The following UNC13C variants were observed in gnomAD, a reference collection of about 807,000 sequenced individuals.
The protein encoded by UNC13C is protein unc-13 homolog C.
UNC13C carries 174 observed loss-of-function variants against 245.4 expected under a neutral mutation model. That is an observed-to-expected ratio of 0.71 (90% CI 0.63 to 0.80). UNC13C has a LOEUF of 0.80. UNC13C is among the 30% of genes least tolerant of loss of function. The pLI, the probability that UNC13C is intolerant of heterozygous loss-of-function variation, is 0.00. For synonymous variants in UNC13C, 992 were observed against 895.1 expected, an observed-to-expected ratio of 1.11 and a Z score of -1.93; for missense variants, 2,829 against 2,602.9, an observed-to-expected ratio of 1.09 and a Z score of -1.89.
intron 17 of UNC13C, among the ~76,000 whole-genome samples, chr15:54,362,288 C>T (rs2039251012): frequency 6.6e-6 from 1 of 152,170 alleles, no homozygotes. Context: ...GAATATCCAC[C>T]TCCAACTCCT....
At chr15:54,464,549 A>G (rs896743416) in intron 19 of UNC13C, among the ~76,000 whole-genome samples, 1 of 152,154 alleles carries the variant, frequency 6.6e-6, no homozygotes, top group African/African-American at 2.4e-5. Context: ...AACTCATTGT[A>G]TATGAGTTAA....
rs1458181899 is a variant in UNC13C at position 54,627,535 on chromosome 15, C to CTTTTCTACCATA, written c.*423_*434dup. ...TCATTATAGATGTCTTACAAATACC[C>CTTTTCTACCATA]TTTTCTACCATAACTAGAAATGCAG... On this transcript the variant is annotated 3_prime_UTR_variant, in exon 33 of 33. Coordinates refer to ENST00000260323, the MANE Select transcript of UNC13C (RefSeq NM_001080534.3). The CTTTTCTACCATA allele has an allele frequency of 6.5e-6, 1 of 154,326 alleles. No homozygotes were observed. Among genetic ancestry groups the CTTTTCTACCATA allele is most frequent in the Non-Finnish European group, 1.4e-5 (1 of 69,188 alleles). 9.6% of individuals were successfully genotyped at this position (154,326 alleles called of 1,614,324 possible).
chr15:54,458,599 T>C (rs1891661190), intron 19 of UNC13C, among the ~76,000 whole-genome samples: 1 of 151,912 alleles, frequency 6.6e-6, no homozygotes, highest in Non-Finnish European at 1.5e-5. Flanking sequence ...TATTTAGAAT[T>C]GTGATATTTC....
intron 19 of UNC13C, among the ~76,000 whole-genome samples, chr15:54,464,347 A>G (rs971134084): frequency 3.3e-5 from 5 of 152,182 alleles, no homozygotes; most frequent in Admixed American, 6.5e-5. Context: ...TCTTCCTGGA[A>G]TAGAGAAAAC....
At chr15:53,951,980 G>A in the UNC13C span, among the ~76,000 whole-genome samples, 1 of 152,258 alleles carries the variant, frequency 6.6e-6, no homozygotes, top group Admixed American at 6.5e-5. Context: ...AACGTTGACT[G>A]CAAGGAACAA....
intron 30 of UNC13C, among the ~76,000 whole-genome samples, chr15:54,606,911 A>G (rs1056690729): frequency 3.3e-5 from 5 of 152,198 alleles, no homozygotes; most frequent in African/African-American, 7.2e-5. Context: ...AATTGGAAAT[A>G]TATGTATTTT....
At chr15:54,167,829 C>G (rs1246992692) in intron 4 of UNC13C, among the ~76,000 whole-genome samples, 1 of 151,976 alleles carries the variant, frequency 6.6e-6, no homozygotes, top group African/African-American at 2.4e-5. Context: ...TTTCAACAGT[C>G]ACATCAAAAG....
chr15:54,484,872 A>G (rs900127509), intron 19 of UNC13C, among the ~76,000 whole-genome samples: 1 of 152,218 alleles, frequency 6.6e-6, no homozygotes, highest in Non-Finnish European at 1.5e-5. Context: ...TTCAAGAGGT[A>G]AAATCCACAA....
chr15:54,260,470 A>G (rs557913661), intron 8 of UNC13C, among the ~76,000 whole-genome samples: 2 of 151,734 alleles, frequency 1.3e-5, no homozygotes, highest in South Asian at 4.1e-4. Flanking sequence ...TAGCAAAAGG[A>G]AAGAACTGAG....
At position 54,264,203 on chromosome 15, in the gene UNC13C, G is replaced by A; in HGVS notation, c.3484G>A (p.Asp1162Asn). 6.3e-7 allele frequency: 1 copy of A among 1,589,800 alleles called. No individual in the cohort carries two copies. Among genetic ancestry groups the A allele is most frequent in the Non-Finnish European group, 8.6e-7 (1 of 1,167,376 alleles). The change falls in exon 9 of 33, where the codon GAC becomes AAC. Residue 1162 changes from aspartate (D) to asparagine (N), a missense_variant. Transcript: ENST00000260323. ...AEKSSKHGAE[D>N]KTQTIITAMK... ...AAAGAGTTCTAAACATGGTGCCGAA[G>A]ACAAGACTCAGACCATTATTACAGC...
At chr15:54,542,082 CTG>C (rs923509051) in intron 26 of UNC13C, among the ~76,000 whole-genome samples, 3 of 152,070 alleles carry the variant, frequency 2.0e-5, no homozygotes, top group African/African-American at 7.2e-5. Flanking sequence ...CTTTTCTCAA[CTG>C]TCATGCCAAA....
intron 30 of UNC13C, among the ~76,000 whole-genome samples, chr15:54,616,696 G>A (rs1900457621): frequency 6.6e-6 from 1 of 152,036 alleles, no homozygotes; most frequent in African/African-American, 2.4e-5. Context: ...TTAAAAAATA[G>A]TTTACAAAGT....
intron 4 of UNC13C, among the ~76,000 whole-genome samples, chr15:54,177,747 G>A (rs2033663457): frequency 6.6e-6 from 1 of 151,962 alleles, no homozygotes. Context: ...ATAATATATA[G>A]CTACTACTAC....
intron 19 of UNC13C, among the ~76,000 whole-genome samples, chr15:54,455,205 C>CTCTCTCTATATATATATATATA (rs1388065398): frequency 5.3e-5 from 1 of 18,960 alleles, no homozygotes; most frequent in African/African-American, 1.9e-4. Context: ...CTCTCTCTCT[C>CTCTCTCTATATATATATATATA]TATATATATA....
At chr15:54,496,339 A>G (rs1893947269) in intron 20 of UNC13C, among the ~76,000 whole-genome samples, 1 of 152,116 alleles carries the variant, frequency 6.6e-6, no homozygotes, top group African/African-American at 2.4e-5. Context: ...TAGAATTTAC[A>G]GAATTTGTCA....
chr15:54,302,413 T>C (rs1217436569), intron 13 of UNC13C, among the ~76,000 whole-genome samples: 2 of 152,226 alleles, frequency 1.3e-5, no homozygotes, highest in Non-Finnish European at 2.9e-5. Context: ...CTAGGGTTTT[T>C]ATGCTTTTAG....
At chr15:54,338,966 A>G (rs1355101247) in intron 17 of UNC13C, among the ~76,000 whole-genome samples, 1 of 152,218 alleles carries the variant, frequency 6.6e-6, no homozygotes, top group Non-Finnish European at 1.5e-5. Context: ...TCCGGGGTTC[A>G]AGCGATTCTC....
At chr15:53,902,993 G>A in the UNC13C span, among the ~76,000 whole-genome samples, 2 of 152,184 alleles carry the variant, frequency 1.3e-5, no homozygotes, top group Non-Finnish European at 2.9e-5. Flanking sequence ...TCTGATGAAA[G>A]CAACTTTGGA....
chr15:53,949,600 T>A, the UNC13C span, among the ~76,000 whole-genome samples: 1 of 152,114 alleles, frequency 6.6e-6, no homozygotes, highest in Admixed American at 6.6e-5. Flanking sequence ...TGATTATATA[T>A]CCCAGGTTTG....
Sources: gnomAD v4.1 joint callset for allele counts (sites outside exome capture counted in the v4.1 genomes callset) on GRCh38, gnomAD v4.1.1 for gene constraint, MANE v1.5 for transcripts, NCBI Gene and HGNC (gene_info 2026-07-23, HGNC 2026-07-21) for gene names.